TXNDC12: variants seen among roughly 807,000 people sequenced by gnomAD.
TXNDC12 encodes thioredoxin domain containing 12.
TXNDC12 carries 22 observed loss-of-function variants against 24.2 expected under a neutral mutation model. The ratio of observed to expected loss-of-function variants is 0.91; its 90% confidence interval spans 0.65 to 1.30. The LOEUF is 1.30. TXNDC12 is among the 50% of genes most tolerant of loss of function. The pLI, the probability that TXNDC12 is intolerant of heterozygous loss-of-function variation, is 0.00. For synonymous variants in TXNDC12, 58 were observed against 73.4 expected, an observed-to-expected ratio of 0.79 and a Z score of 1.07; for missense variants, 184 against 205.8, an observed-to-expected ratio of 0.89 and a Z score of 0.65.
intron 2 of TXNDC12, among the ~76,000 whole-genome samples, chr1:52,036,742 G>A (rs1217614189): frequency 6.6e-6 from 1 of 152,146 alleles, no homozygotes; most frequent in Non-Finnish European, 1.5e-5. Context: ...TTCTGGCACT[G>A]CCTCTTCTAC....
rs140340991 is a variant in TXNDC12, at chr1:52,043,469, T to G, written c.98-1872A>C. ...TGCTAGCTGCTGTTTACTGACCACC[T>G]TATATGTGCCTGACATACCACATGT... On this transcript the variant is annotated intron_variant, in intron 1 of 6. Coordinates refer to ENST00000371626, the MANE Select transcript of TXNDC12 (RefSeq NM_015913.4). Among the ~76,000 whole-genome samples, 8 of 152,342 alleles carry G rather than the reference T, an allele frequency of 5.3e-5. 1 individual carries two copies. Among genetic ancestry groups the G allele is most frequent in the South Asian group, 4.1e-4 (2 of 4,830 alleles).
At chr1:52,054,656 A>G (rs1434693788) in intron 1 of TXNDC12, among the ~76,000 whole-genome samples, 2 of 152,124 alleles carry the variant, frequency 1.3e-5, no homozygotes, top group Non-Finnish European at 2.9e-5. Flanking sequence ...GCAGGTCCCC[A>G]ACGGCTCTAT....
At chr1:52,034,953 G>A (rs946404135) in intron 2 of TXNDC12, among the ~76,000 whole-genome samples, 2 of 152,004 alleles carry the variant, frequency 1.3e-5, no homozygotes, top group Non-Finnish European at 2.9e-5. Context: ...TAGTAGAGAC[G>A]GGGTTTCACT....
rs1014625836 is a variant in TXNDC12 at position 52,020,618 on chromosome 1, C to T, written c.*315G>A. ...GAGGAAATGGGAAAAGACTCAAATACTTAAGTGCGAGGAGTAAACATCCAA... is the reference window on the plus strand; with the variant it reads ...GAGGAAATGGGAAAAGACTCAAATATTTAAGTGCGAGGAGTAAACATCCAA... On this transcript the variant is annotated 3_prime_UTR_variant, in exon 7 of 7. Transcript: ENST00000371626. 1.2e-5 allele frequency: 4 copies of T among 343,644 alleles called. No individual in the cohort carries two copies. Among genetic ancestry groups the T allele is most frequent in the Non-Finnish European group, 2.1e-5 (4 of 188,812 alleles). 21.3% of individuals were successfully genotyped at this position (343,644 alleles called of 1,614,324 possible).
intron 1 of TXNDC12, among the ~76,000 whole-genome samples, chr1:52,046,199 G>GAAAA (rs35664785): frequency 6.8e-6 from 1 of 146,456 alleles, no homozygotes. Context: ...ATTCTGTCTC[G>GAAAA]AAAAAAAAAA....
chr1:52,036,700 C>G (rs957655591), intron 2 of TXNDC12, among the ~76,000 whole-genome samples: 2 of 152,184 alleles, frequency 1.3e-5, no homozygotes, highest in African/African-American at 4.8e-5. Context: ...AAAAGCAGCT[C>G]TAAATAATTA....
intron 2 of TXNDC12, among the ~76,000 whole-genome samples, chr1:52,039,022 A>C (rs552323318): frequency 1.5e-5 from 2 of 137,676 alleles, no homozygotes; most frequent in South Asian, 4.5e-4. Context: ...ACTGGGCTCA[A>C]TCAGTCCTCC....
At chr1:52,048,780 C>T (rs1686145919) in intron 1 of TXNDC12, among the ~76,000 whole-genome samples, 1 of 151,924 alleles carries the variant, frequency 6.6e-6, no homozygotes, top group African/African-American at 2.4e-5. Context: ...TCGCTTAAAC[C>T]CAGGAGGCAG....
At chr1:52,035,659 C>T (rs1685867945) in intron 2 of TXNDC12, among the ~76,000 whole-genome samples, 1 of 152,142 alleles carries the variant, frequency 6.6e-6, no homozygotes, top group Non-Finnish European at 1.5e-5. Context: ...TTGCAGTGAG[C>T]CTAGATCGCA....
At chr1:52,024,202 C>T (rs532628204) in intron 5 of TXNDC12, among the ~76,000 whole-genome samples, 1 of 152,194 alleles carries the variant, frequency 6.6e-6, no homozygotes, top group African/African-American at 2.4e-5. Flanking sequence ...ACCGTGTTGC[C>T]CATGCTGGTC....
chr1:52,035,093 A>C (rs1369251818), intron 2 of TXNDC12, among the ~76,000 whole-genome samples: 1 of 152,190 alleles, frequency 6.6e-6, no homozygotes, highest in Non-Finnish European at 1.5e-5. Context: ...TCAATCTGGC[A>C]ACTCTATTAT....
intron 1 of TXNDC12, among the ~76,000 whole-genome samples, chr1:52,043,637 C>T (rs2124385551): frequency 6.6e-6 from 1 of 152,240 alleles, no homozygotes; most frequent in South Asian, 2.1e-4. Flanking sequence ...ATGCAAAAAA[C>T]TTAGCATAGT....
chr1:52,033,725 C>A lies in TXNDC12; in HGVS notation c.159-5095G>T, dbSNP rs781405918. The A allele has an allele frequency of 1.9e-5, 31 of 1,608,736 alleles. No individual in the cohort carries two copies. Among genetic ancestry groups the A allele is most frequent in the Non-Finnish European group, 2.5e-5 (29 of 1,177,732 alleles). On this transcript the variant is annotated intron_variant, in intron 2 of 6. Transcript: ENST00000371626. ...AACTCTTCAGCACGCCGGCTCTTGC[C>A]GCTGTACGGCAGCCCGCAAAACACC...
chr1:52,025,292 C>G lies in TXNDC12; in HGVS notation c.286-713G>C, dbSNP rs151276080. 8.0e-3 allele frequency among the ~76,000 whole-genome samples: 1,210 copies of G among 152,164 alleles called. 22 individuals carry two copies. Among genetic ancestry groups the G allele is most frequent in the African/African-American group, 0.027 (1,132 of 41,512 alleles). ...GGAGTGCAGTTGTGCGATCTCGGCC[C>G]ACTGCAAGCTCCGCCTCCTGGGTTC... On this transcript the variant is annotated intron_variant, in intron 4 of 6. Transcript: ENST00000371626.
rs41306627 is a variant in TXNDC12 at position 52,020,720 on chromosome 1, G to A, written c.*213C>T. The A allele has an allele frequency of 3.0e-3, 1,526 of 501,458 alleles. 9 individuals are homozygous for A. Among genetic ancestry groups the A allele is most frequent in the Non-Finnish European group, 4.2e-3 (1,190 of 284,430 alleles). 31.1% of individuals were successfully genotyped at this position (501,458 alleles called of 1,614,324 possible). A position where few individuals can be genotyped will look rare whatever the true frequency, so the allele number is the denominator to read the frequency against. On this transcript the variant is annotated 3_prime_UTR_variant, in exon 7 of 7. Coordinates refer to ENST00000371626, the MANE Select transcript of TXNDC12 (RefSeq NM_015913.4). ...TTGACATTTAGGTGAGAGGGAAAAG[G>A]AGAAGAAAGTCTGCCACTCTCCGCT...
intron 1 of TXNDC12, among the ~76,000 whole-genome samples, chr1:52,054,075 G>A (rs1345419926): frequency 1.3e-5 from 2 of 152,066 alleles, no homozygotes; most frequent in African/African-American, 4.8e-5. Context: ...AATTATTTAC[G>A]GAATGAAGGA....
rs1400968899 is a variant in TXNDC12 at position 52,033,839 on chromosome 1, G to A, written c.159-5209C>T. Reference sequence around the variant, plus strand: ...CGCGTCTCCGACGTAAGCCGGAAGTGCAAACTGCTCTTCCTGTCTCCCTTG... The same window carrying A: ...CGCGTCTCCGACGTAAGCCGGAAGTACAAACTGCTCTTCCTGTCTCCCTTG... On this transcript the variant is annotated intron_variant, in intron 2 of 6. Transcript: ENST00000371626. 4 of 1,464,014 alleles carry A rather than the reference G, an allele frequency of 2.7e-6. No homozygotes were observed. The Admixed American group carries it at 7.7e-5, about 28-fold the overall frequency. The allele number at this position is 1,464,014 out of a possible 1,614,324, so 90.7% of individuals were successfully genotyped here. A position where few individuals can be genotyped will look rare whatever the true frequency, so the allele number is the denominator to read the frequency against.
At chr1:52,054,394 C>T (rs1686282985) in intron 1 of TXNDC12, among the ~76,000 whole-genome samples, 1 of 152,150 alleles carries the variant, frequency 6.6e-6, no homozygotes, top group South Asian at 2.1e-4. Flanking sequence ...GGGGCCACAC[C>T]TCCTAACCTC....
At chr1:52,033,855 G>C (rs1029975807) in intron 2 of TXNDC12, 3 of 1,451,204 alleles carry the variant, frequency 2.1e-6, no homozygotes, top group Non-Finnish European at 2.7e-6. Flanking sequence ...TGCTCTTCCT[G>C]TCTCCCTTGA....
Sources: allele counts gnomAD v4.1 joint callset (sites outside exome capture counted in the v4.1 genomes callset), GRCh38; gene constraint gnomAD v4.1.1; transcripts MANE v1.5; gene names NCBI Gene and HGNC (gene_info 2026-07-23, HGNC 2026-07-21).